Variants in OXNAD1 observed in about 807,000 individuals in gnomAD.
The protein encoded by OXNAD1 is oxidoreductase NAD-binding domain-containing protein 1.
OXNAD1 carries 34 observed loss-of-function variants against 32.9 expected under a neutral mutation model. That is an observed-to-expected ratio of 1.03 (90% CI 0.79 to 1.38). The LOEUF is 1.38. OXNAD1 is among the 40% of genes most tolerant of loss of function. The probability of loss-of-function intolerance (pLI) is 0.00; values close to 1 mark genes in which losing one functional copy is unlikely to be tolerated. For synonymous variants in OXNAD1, 134 were observed against 135.2 expected (o/e 0.99, Z 0.06); for missense variants, 407 against 379.4 (o/e 1.07, Z -0.60).
intron 5 of OXNAD1, among the ~76,000 whole-genome samples, chr3:16,291,635 C>T (rs750014038): frequency 5.3e-5 from 8 of 152,322 alleles, no homozygotes; most frequent in Non-Finnish European, 1.0e-4. Flanking sequence ...TTTATATCTT[C>T]ATTAGCTGAT....
chr3:16,345,819 C>CGTGTGTGT lies in OXNAD1; in HGVS notation c.*31-3356_*31-3355insTGTGTGTG, dbSNP rs60215359. On this transcript the variant is annotated intron_variant, in intron 9 of 9. Transcript: ENST00000606098. This position sits in a 1 kb window ranked among gnomAD's most constrained non-coding sequence, Gnocchi z 5.2. ...GTGTGTGTGTGTGTGTGTGTGTGTG[C>CGTGTGTGT]GCGCGCGCGTGCGCGCACGCGCACA... is the stretch of plus-strand genomic sequence containing the variant. 2.4e-5 allele frequency among the ~76,000 whole-genome samples: 2 copies of CGTGTGTGT among 83,910 alleles called. No homozygotes were observed. The highest frequency in any genetic ancestry group is 1.0e-3 in the East Asian group (2 of 1,922). The allele number at this position is 83,910 out of a possible 152,430, so 55.0% of individuals were successfully genotyped here.
rs568959728 is a variant in OXNAD1, at chr3:16,334,997, T to C, written c.*31-2115T>C. On this transcript the variant is annotated intron_variant, in intron 9 of 9. Transcript: ENST00000435829. This position sits in a 1 kb window ranked among gnomAD's most constrained non-coding sequence, Gnocchi z 4.3. ...ATGGGCAGCTTCCAGAAGCTGGCAA[T>C]GGTCGGTAACAGATTGTCTCCTAAA... Among the ~76,000 whole-genome samples, 45 of 152,312 alleles carry C rather than the reference T, an allele frequency of 3.0e-4. 1 individual carries two copies. In the South Asian group the frequency reaches 8.7e-3, roughly 29 times the overall value.
chr3:16,271,520 G>T lies in OXNAD1; in HGVS notation c.120-139G>T. The T allele has an allele frequency of 1.5e-6, 1 of 687,454 alleles. No homozygotes were observed. The highest frequency in any genetic ancestry group is 2.3e-6 in the Non-Finnish European group (1 of 443,602). The allele number at this position is 687,454 out of a possible 1,614,324, so 42.6% of individuals were successfully genotyped here. A position where few individuals can be genotyped will look rare whatever the true frequency, so the allele number is the denominator to read the frequency against. On this transcript the variant is annotated intron_variant, in intron 3 of 8. Transcript: ENST00000285083. This position sits in a 1 kb window ranked among gnomAD's most constrained non-coding sequence, Gnocchi z 4.6. Reference sequence around the variant, plus strand: ...TGCCCGGCCAAAACTTTAGTTAGACGGGCAGATACTCACTGGCCATTTTAT... The same window carrying T: ...TGCCCGGCCAAAACTTTAGTTAGACTGGCAGATACTCACTGGCCATTTTAT...
In OXNAD1 at chr3:16,289,554, CTT is replaced by C. The variant is rs1277403407; in HGVS notation, c.290+3108_290+3109del. On this transcript the variant is annotated intron_variant, in intron 5 of 8. Transcript: ENST00000285083. This position sits in a 1 kb window ranked among gnomAD's most constrained non-coding sequence, Gnocchi z 4.9. ...GAGGAGCAAGATTAGAGAAATAAGACTTTATACCTACCCTTGAGCAGGGCTGC... is the reference window on the plus strand; with the variant it reads ...GAGGAGCAAGATTAGAGAAATAAGACTATACCTACCCTTGAGCAGGGCTGC... Among the ~76,000 whole-genome samples the C allele has an allele frequency of 6.6e-6, 1 of 152,182 alleles. No individual in the cohort carries two copies. Among genetic ancestry groups the C allele is most frequent in the Non-Finnish European group, 1.5e-5 (1 of 68,026 alleles).
chr3:16,319,918 G>C (rs1329710080), intron 9 of OXNAD1, among the ~76,000 whole-genome samples: 1 of 152,190 alleles, frequency 6.6e-6, no homozygotes, highest in East Asian at 1.9e-4. Context: ...AGGACCGGGG[G>C]AGTCTCTGAG....
chr3:16,307,418 G>GT (rs1336462398), downstream of OXNAD1, among the ~76,000 whole-genome samples: 4 of 152,126 alleles, frequency 2.6e-5, no homozygotes, highest in Non-Finnish European at 2.9e-5. Flanking sequence ...TGAAGAAAGT[G>GT]TTTCATAGAG....
At chr3:16,272,850 G>GAA (rs200117908) in intron 4 of OXNAD1, among the ~76,000 whole-genome samples, 2 of 147,062 alleles carry the variant, frequency 1.4e-5, no homozygotes, top group Non-Finnish European at 3.0e-5. Context: ...TGCAAATTAT[G>GAA]AAAAAAAAAA....
intron 2 of OXNAD1, among the ~76,000 whole-genome samples, chr3:16,270,414 T>C (rs949130249): frequency 6.6e-6 from 1 of 152,342 alleles, no homozygotes; most frequent in Middle Eastern, 3.4e-3. Flanking sequence ...AGTTACCTTA[T>C]CTCCTGTAGT....
rs760117820 is a variant in OXNAD1, at chr3:16,305,835, G to T, written c.*2273G>T. On this transcript the variant is annotated 3_prime_UTR_variant, in exon 9 of 9. Coordinates refer to ENST00000285083, the MANE Select transcript of OXNAD1 (RefSeq NM_138381.5). The surrounding 1 kb of genome is among the most constrained non-coding windows in gnomAD (Gnocchi z 4.5). ...ACATGATAGGGCTGTTACGGGGATT[G>T]AAGGTGATCATACATGTAAAGTGCT... 6.6e-6 allele frequency: 1 copy of T among 152,226 alleles called. No homozygotes were observed. Among genetic ancestry groups the T allele is most frequent in the African/African-American group, 2.4e-5 (1 of 41,458 alleles). The allele number at this position is 152,226 out of a possible 1,614,324, so 9.4% of individuals were successfully genotyped here.
At position 16,317,034 on chromosome 3, in the gene OXNAD1, G is replaced by A. The variant is rs745494325; in HGVS notation, c.*30+13442G>A. On this transcript the variant is annotated intron_variant, in intron 9 of 9. Coordinates refer to the OXNAD1 transcript ENST00000435829. The surrounding 1 kb of genome is among the most constrained non-coding windows in gnomAD (Gnocchi z 4.3). ...TGTTCTCCCTTGTCCTCTTGGACAG[G>A]GCCCTTCATCTCCTCGGAGACTCCA... 2 of 1,613,808 alleles carry A rather than the reference G, an allele frequency of 1.2e-6. No homozygotes were observed. Among genetic ancestry groups the A allele is most frequent in the South Asian group, 1.1e-5 (1 of 91,066 alleles).
Position 16,302,151 on chromosome 3 carries a change from G to A in OXNAD1, c.675+283G>A, listed in dbSNP as rs978461427. On this transcript the variant is annotated intron_variant, in intron 7 of 8. Transcript: ENST00000285083. The surrounding 1 kb of genome is among the most constrained non-coding windows in gnomAD (Gnocchi z 4.2). ...AAGTCACAAGGGTCCCGAGATTCCA[G>A]TCAAGAGACCTACAGTGGACTAGTG... 6.6e-6 allele frequency among the ~76,000 whole-genome samples: 1 copy of A among 152,206 alleles called. No homozygotes were observed. Among genetic ancestry groups the A allele is most frequent in the African/African-American group, 2.4e-5 (1 of 41,444 alleles).
chr3:16,329,167 G>A lies in OXNAD1; in HGVS notation c.*31-7945G>A, dbSNP rs553157775. Among the ~76,000 whole-genome samples the A allele has an allele frequency of 9.8e-5, 15 of 152,328 alleles. No homozygotes were observed. The South Asian group carries it at 2.9e-3, about 29-fold the overall frequency. On this transcript the variant is annotated intron_variant, in intron 9 of 9. Transcript: ENST00000435829. This position sits in a 1 kb window ranked among gnomAD's most constrained non-coding sequence, Gnocchi z 4.5. ...TCTCCTGCTCTCTCCCCTCTTTTCTGCGCTTCCGCCTCGGGATGACGCAGC... is the reference window on the plus strand; with the variant it reads ...TCTCCTGCTCTCTCCCCTCTTTTCTACGCTTCCGCCTCGGGATGACGCAGC...
chr3:16,268,312 CCTTTTTTT>C (rs2064683753), intron 1 of OXNAD1, among the ~76,000 whole-genome samples: 1 of 111,910 alleles, frequency 8.9e-6, no homozygotes, highest in African/African-American at 3.3e-5. Context: ...AAAGAGAACT[CCTTTTTTT>C]TTTTTTTTTT....
downstream of OXNAD1, among the ~76,000 whole-genome samples, chr3:16,309,730 T>C (rs1179467679): frequency 1.3e-5 from 2 of 152,180 alleles, no homozygotes; most frequent in African/African-American, 4.8e-5. Context: ...ACCTAAATCA[T>C]GCCCATTCTA....
chr3:16,294,226 A>G (rs2672556), intron 5 of OXNAD1, among the ~76,000 whole-genome samples: 90,980 of 150,492 alleles, frequency 0.6, 27,820 homozygotes, highest in African/African-American at 0.7. Flanking sequence ...TCTTGACATG[A>G]AGTTTCGCTC....
chr3:16,282,467 C>T lies in OXNAD1; in HGVS notation c.184-3875C>T, dbSNP rs2065814257. ...CAAGTTTTTATTCATTCTGCAAATACTTACTGAGCCTTACTGTGTGTTGGG... is the reference window on the plus strand; with the variant it reads ...CAAGTTTTTATTCATTCTGCAAATATTTACTGAGCCTTACTGTGTGTTGGG... On this transcript the variant is annotated intron_variant, in intron 4 of 8. Coordinates refer to ENST00000285083, the MANE Select transcript of OXNAD1 (RefSeq NM_138381.5). 3.3e-5 allele frequency among the ~76,000 whole-genome samples: 5 copies of T among 151,982 alleles called. No homozygotes were observed. In the South Asian group the frequency reaches 1.0e-3, roughly 32 times the overall value.
intron 4 of OXNAD1, chr3:16,276,452 AGTCAGGAGTGAAATG>A (rs937228358): frequency 4.9e-6 from 1 of 203,184 alleles, no homozygotes; most frequent in African/African-American, 2.4e-5. Context: ...ATGTCAAGAG[AGTCAGGAGTGAAATG>A]GTCACTACAT....
rs1417622778 is a variant in OXNAD1, at chr3:16,301,537, A to G, written c.433-89A>G. ...AAATAGTCTTAAATACTGATAATAC[A>G]GGAGATAGACCCAGTTTTATTAAAG... On this transcript the variant is annotated intron_variant, in intron 6 of 8. Coordinates refer to ENST00000285083, the MANE Select transcript of OXNAD1 (RefSeq NM_138381.5). The surrounding 1 kb of genome is among the most constrained non-coding windows in gnomAD (Gnocchi z 4.1). 5 of 1,446,802 alleles carry G rather than the reference A, an allele frequency of 3.5e-6. No individual in the cohort carries two copies. Among genetic ancestry groups the G allele is most frequent in the Non-Finnish European group, 3.8e-6 (4 of 1,055,792 alleles). 89.6% of individuals were successfully genotyped at this position (1,446,802 alleles called of 1,614,324 possible). A position where few individuals can be genotyped will look rare whatever the true frequency, so the allele number is the denominator to read the frequency against.
chr3:16,300,746 T>C (rs2067122073), intron 6 of OXNAD1, among the ~76,000 whole-genome samples: 2 of 152,206 alleles, frequency 1.3e-5, no homozygotes, highest in African/African-American at 4.8e-5. Context: ...GTAGGAACTT[T>C]CTCACAAAAT....
Sources: allele counts gnomAD v4.1 joint callset (sites outside exome capture counted in the v4.1 genomes callset), GRCh38; gene constraint gnomAD v4.1.1; non-coding constraint Gnocchi (gnomAD v3.1); transcripts MANE v1.5; gene names NCBI Gene and HGNC (gene_info 2026-07-23, HGNC 2026-07-21).